BBS9: variants seen among roughly 807,000 people sequenced by gnomAD.
The protein encoded by BBS9 is protein PTHB1.
In BBS9, 89 loss-of-function variants were observed where a neutral mutation model predicts 117.7. That is an observed-to-expected ratio of 0.76 (90% confidence interval 0.64 to 0.90). The LOEUF (loss-of-function observed/expected upper bound fraction) is 0.90. BBS9 is among the 40% of genes least tolerant of loss of function. The pLI is 0.00. For missense variants in BBS9, 982 were observed against 1,042.2 expected, an observed-to-expected ratio of 0.94 and a Z score of 0.80; for synonymous variants, 379 against 370.9, an observed-to-expected ratio of 1.02 and a Z score of -0.25.
intron 2 of BBS9, among the ~76,000 whole-genome samples, chr7:33,152,318 C>G (rs569946019): frequency 1.3e-5 from 2 of 152,200 alleles, no homozygotes; most frequent in South Asian, 4.1e-4. Context: ...CTTTTTAATA[C>G]AGTGTTTTCG....
chr7:33,207,635 A>G (rs1562797596), intron 5 of BBS9, among the ~76,000 whole-genome samples: 1 of 151,654 alleles, frequency 6.6e-6, no homozygotes, highest in Non-Finnish European at 1.5e-5. Flanking sequence ...ATATAGTATT[A>G]GAGACCAAGA....
intron 4 of BBS9, 69 bp from the exon 5 acceptor site, chr7:33,177,409 T>C: frequency 9.8e-7 from 1 of 1,020,340 alleles, no homozygotes; most frequent in South Asian, 1.3e-5. Flanking sequence ...ATCGGAGTAG[T>C]GGATGAGAAC....
At chr7:33,257,725 A>G (rs913939235) in intron 6 of BBS9, among the ~76,000 whole-genome samples, 1 of 152,162 alleles carries the variant, frequency 6.6e-6, no homozygotes, top group Non-Finnish European at 1.5e-5. Context: ...GATTAAATGT[A>G]TGTCCAGTTA....
At chr7:33,148,921 G>A (rs935288515) in intron 2 of BBS9, among the ~76,000 whole-genome samples, 40 of 152,222 alleles carry the variant, frequency 2.6e-4, no homozygotes, top group African/African-American at 9.6e-4. Context: ...ACTGAGCCTG[G>A]CCTAAAAGTT....
intron 21 of BBS9, among the ~76,000 whole-genome samples, chr7:33,544,645 A>G (rs979391208): frequency 6.6e-6 from 1 of 152,112 alleles, no homozygotes; most frequent in Admixed American, 6.6e-5. Context: ...TGGTGGTTTA[A>G]TGCTCTATTT....
Position 33,605,317 on chromosome 7 carries a change from G to C in BBS9, c.*91G>C, listed in dbSNP as rs189650737. 1.0e-5 allele frequency: 14 copies of C among 1,374,404 alleles called. No individual in the cohort carries two copies. In the East Asian group the frequency reaches 2.3e-4, roughly 22 times the overall value. 85.1% of individuals were successfully genotyped at this position (1,374,404 alleles called of 1,614,324 possible). ...TGCCAAGCACAGATATAGGGCTGGC[G>C]CAGGTGCTTCCTAAAGCTCACCTTC... On this transcript the variant is annotated 3_prime_UTR_variant, in exon 23 of 23. Transcript: ENST00000242067.
intron 19 of BBS9, among the ~76,000 whole-genome samples, chr7:33,415,698 A>G (rs1831885519): frequency 6.6e-6 from 1 of 152,162 alleles, no homozygotes; most frequent in Non-Finnish European, 1.5e-5. Flanking sequence ...TCTTAGCTTT[A>G]CTTAAACACT....
chr7:33,489,468 A>G (rs757349559), intron 19 of BBS9, among the ~76,000 whole-genome samples: 9 of 151,430 alleles, frequency 5.9e-5, no homozygotes, highest in Non-Finnish European at 1.2e-4. Flanking sequence ...TTCAGGCAAT[A>G]GCTGGTATAA....
intron 20 of BBS9, among the ~76,000 whole-genome samples, chr7:33,524,792 T>G (rs1446558390): frequency 6.6e-6 from 1 of 152,214 alleles, no homozygotes; most frequent in Non-Finnish European, 1.5e-5. Flanking sequence ...TTCTTCTAGC[T>G]TTTGAATGTG....
At chr7:33,408,847 T>A (rs960398685) in intron 19 of BBS9, among the ~76,000 whole-genome samples, 33 of 152,224 alleles carry the variant, frequency 2.2e-4, no homozygotes, top group African/African-American at 8.0e-4. Flanking sequence ...TGTTCCCTTT[T>A]CTCTGCAGTC....
intron 9 of BBS9, among the ~76,000 whole-genome samples, chr7:33,283,685 C>T (rs1456085983): frequency 6.6e-6 from 1 of 152,100 alleles, no homozygotes; most frequent in Non-Finnish European, 1.5e-5. Flanking sequence ...CTTTTATGTT[C>T]TCATCTCCCT....
chr7:33,406,207 C>T (rs1013507244), intron 19 of BBS9, among the ~76,000 whole-genome samples: 16 of 152,196 alleles, frequency 1.1e-4, no homozygotes, highest in Middle Eastern at 6.8e-3. Context: ...GTCTGAGAGA[C>T]AGTTTGTTAT....
downstream of BBS9, among the ~76,000 whole-genome samples, chr7:33,606,703 C>A (rs550477004): frequency 1.3e-5 from 2 of 152,146 alleles, no homozygotes; most frequent in East Asian, 3.9e-4. Context: ...TAAACTCAGA[C>A]CCCAACCCTT....
Position 33,222,913 on chromosome 7 carries a change from A to C in BBS9, c.443-34323A>C, listed in dbSNP as rs181283113. Among the ~76,000 whole-genome samples, 1,020 of 151,506 alleles carry C rather than the reference A, an allele frequency of 6.7e-3. 8 individuals are homozygous for C. Among genetic ancestry groups the C allele is most frequent in the Middle Eastern group, 0.01 (3 of 294 alleles). The stretch of plus-strand genomic sequence containing the variant: ...GGTTGCAGTGAGCTGAGATCACGCC[A>C]CTGTACTCCAGCCTGGGCAACAGAG... On this transcript the variant is annotated intron_variant, in intron 5 of 22. Transcript: ENST00000242067.
chr7:33,213,334 C>G (rs1788394351), intron 5 of BBS9, among the ~76,000 whole-genome samples: 2 of 152,176 alleles, frequency 1.3e-5, no homozygotes, highest in Non-Finnish European at 2.9e-5. Context: ...TCTCTTCAGA[C>G]AGCTGTGGTA....
At chr7:33,569,552 G>A (rs553754678) in intron 21 of BBS9, among the ~76,000 whole-genome samples, 4 of 151,468 alleles carry the variant, frequency 2.6e-5, no homozygotes, top group Non-Finnish European at 4.4e-5. Flanking sequence ...TCAGGAGATC[G>A]AGACCATCCT....
chr7:33,504,606 G>A (rs1261694011), intron 19 of BBS9, among the ~76,000 whole-genome samples: 1 of 151,932 alleles, frequency 6.6e-6, no homozygotes, highest in Non-Finnish European at 1.5e-5. Flanking sequence ...GCTGTTCTGG[G>A]GACTGTCAGA....
At chr7:33,353,451 T>C (rs73101665) in intron 15 of BBS9, among the ~76,000 whole-genome samples, 14,725 of 152,160 alleles carry the variant, frequency 0.097, 1,001 homozygotes, top group Non-Finnish European at 0.15. Flanking sequence ...TCTGCTATGA[T>C]TCTGATCACA....
At chr7:33,552,006 C>T (rs1315633110) in intron 21 of BBS9, among the ~76,000 whole-genome samples, 4 of 151,926 alleles carry the variant, frequency 2.6e-5, no homozygotes, top group East Asian at 1.9e-4. Flanking sequence ...GAATATGTTT[C>T]AATTTTAGAA....
Sources: allele counts gnomAD v4.1 joint callset (sites outside exome capture counted in the v4.1 genomes callset), GRCh38; gene constraint gnomAD v4.1.1; transcripts MANE v1.5; gene names NCBI Gene and HGNC (gene_info 2026-07-23, HGNC 2026-07-21).